Variants in GRIN2A observed in about 807,000 individuals in gnomAD.
GRIN2A encodes the protein glutamate receptor ionotropic, NMDA 2A.
A neutral mutation model predicts 113.4 loss-of-function variants in GRIN2A; 22 were observed. That is an observed-to-expected ratio of 0.19 (90% CI 0.14 to 0.28). The LOEUF (loss-of-function observed/expected upper bound fraction) is 0.28. GRIN2A is among the 10% of genes least tolerant of loss of function. The pLI is 1.00. For synonymous variants in GRIN2A, 827 were observed against 738.4 expected, an observed-to-expected ratio of 1.12 and a Z score of -1.94; for missense variants, 1,502 against 1,887.0, an observed-to-expected ratio of 0.80 and a Z score of 3.78.
At chr16:10,064,097 T>G (rs1222785457) in intron 2 of GRIN2A, among the ~76,000 whole-genome samples, 1 of 152,192 alleles carries the variant, frequency 6.6e-6, no homozygotes, top group African/African-American at 2.4e-5. Context: ...ACAGAGAGCT[T>G]TTCTTACCCA....
At chr16:9,957,292 T>G (rs1377043990) in intron 2 of GRIN2A, among the ~76,000 whole-genome samples, 1 of 152,162 alleles carries the variant, frequency 6.6e-6, no homozygotes, top group Non-Finnish European at 1.5e-5. Flanking sequence ...GAGCTGCCCA[T>G]GTTCAGGACA....
chr16:10,052,566 G>A (rs1293723703), intron 2 of GRIN2A, among the ~76,000 whole-genome samples: 1 of 152,146 alleles, frequency 6.6e-6, no homozygotes, highest in Non-Finnish European at 1.5e-5. Flanking sequence ...AAGATATTCC[G>A]CCTTCAGGTT....
chr16:9,846,831 C>T (rs781182255), intron 5 of GRIN2A, among the ~76,000 whole-genome samples: 30 of 152,162 alleles, frequency 2.0e-4, no homozygotes, highest in Non-Finnish European at 3.5e-4. Flanking sequence ...AATAAAGTTT[C>T]CAACAGCAGG....
intron 10 of GRIN2A, 61 bp downstream of exon 10, chr16:9,822,203 T>G (rs968636215): frequency 2.6e-5 from 41 of 1,547,240 alleles, no homozygotes; most frequent in Non-Finnish European, 2.9e-5. Context: ...ATGCCGAGAG[T>G]CAATTTCTGT....
At chr16:9,863,591 A>G (rs868865944) in intron 4 of GRIN2A, among the ~76,000 whole-genome samples, 8 of 152,330 alleles carry the variant, frequency 5.3e-5, no homozygotes, top group Middle Eastern at 6.8e-3. Flanking sequence ...GATCAGGCAG[A>G]GAAAATCAAC....
At chr16:10,061,872 C>T (rs1776528816) in intron 2 of GRIN2A, among the ~76,000 whole-genome samples, 1 of 152,150 alleles carries the variant, frequency 6.6e-6, no homozygotes, top group Admixed American at 6.6e-5. Flanking sequence ...AACATAAAGG[C>T]CAATCGAACT....
chr16:10,048,784 A>G lies in GRIN2A; in HGVS notation c.415-110233T>C, dbSNP rs569366927. ...GTGCCACAGGGGCTCAAAATGTCTCAACCCATAAAAGACTTCTCTCCCCAT... is the reference window on the plus strand; with the variant it reads ...GTGCCACAGGGGCTCAAAATGTCTCGACCCATAAAAGACTTCTCTCCCCAT... On this transcript the variant is annotated intron_variant, in intron 2 of 12. Transcript: ENST00000330684. Among the ~76,000 whole-genome samples, 15 of 152,202 alleles carry G rather than the reference A, an allele frequency of 9.9e-5. No homozygotes were observed. In the South Asian group the frequency reaches 2.7e-3, roughly 27 times the overall value.
At chr16:10,016,136 A>G (rs2046606135) in intron 2 of GRIN2A, among the ~76,000 whole-genome samples, 1 of 151,450 alleles carries the variant, frequency 6.6e-6, no homozygotes, top group Non-Finnish European at 1.5e-5. Flanking sequence ...AAAAAAAAAA[A>G]AAAAAGTGGT....
intron 2 of GRIN2A, among the ~76,000 whole-genome samples, chr16:10,029,454 G>A (rs770995013): frequency 1.3e-5 from 2 of 151,966 alleles, no homozygotes; most frequent in Non-Finnish European, 2.9e-5. Flanking sequence ...TCGGCCTCCC[G>A]AAGTGCTGGG....
intron 2 of GRIN2A, among the ~76,000 whole-genome samples, chr16:10,120,995 C>G (rs1212340492): frequency 6.6e-6 from 1 of 152,156 alleles, no homozygotes; most frequent in African/African-American, 2.4e-5. Context: ...TATTCTATTT[C>G]TAATTCAAAA....
chr16:9,838,167 A>G (rs1376646885), intron 7 of GRIN2A, among the ~76,000 whole-genome samples: 2 of 152,188 alleles, frequency 1.3e-5, no homozygotes, highest in African/African-American at 4.8e-5. Flanking sequence ...TTTAAGAGAT[A>G]AAGTTATTTT....
intron 3 of GRIN2A, among the ~76,000 whole-genome samples, chr16:9,928,884 A>G (rs1567181124): frequency 1.3e-5 from 2 of 152,234 alleles, no homozygotes; most frequent in African/African-American, 2.4e-5. Flanking sequence ...CTCTGCAAGG[A>G]TGCACCCAAC....
chr16:9,863,196 G>T (rs1238959772), intron 4 of GRIN2A, among the ~76,000 whole-genome samples: 1 of 152,124 alleles, frequency 6.6e-6, no homozygotes, highest in African/African-American at 2.4e-5. Context: ...GAGCAGTTTG[G>T]TTTCTTAAGG....
intron 2 of GRIN2A, among the ~76,000 whole-genome samples, chr16:9,992,765 T>C (rs1299381354): frequency 6.6e-6 from 1 of 152,072 alleles, no homozygotes; most frequent in Non-Finnish European, 1.5e-5. Flanking sequence ...AGTGGACAAA[T>C]CTGACACAGA....
intron 2 of GRIN2A, among the ~76,000 whole-genome samples, chr16:9,964,408 C>T (rs1354780165): frequency 6.6e-6 from 1 of 152,116 alleles, no homozygotes; most frequent in African/African-American, 2.4e-5. Flanking sequence ...ATGGGATCAG[C>T]CATGGTGCGT....
chr16:9,798,938 AT>A (rs1229670509), intron 10 of GRIN2A, among the ~76,000 whole-genome samples: 2 of 152,260 alleles, frequency 1.3e-5, no homozygotes, highest in African/African-American at 4.8e-5. Flanking sequence ...TTATTGCAGA[AT>A]TTTTAAAAAT....
At chr16:9,780,895 A>G (rs1901899241) in intron 11 of GRIN2A, among the ~76,000 whole-genome samples, 2 of 152,112 alleles carry the variant, frequency 1.3e-5, no homozygotes, top group South Asian at 4.1e-4. Context: ...TTCTTTAAGG[A>G]TAAGGGGAAA....
intron 11 of GRIN2A, among the ~76,000 whole-genome samples, chr16:9,776,331 C>G (rs1039160701): frequency 2.1e-5 from 3 of 144,456 alleles, no homozygotes; most frequent in Non-Finnish European, 3.0e-5. Context: ...GTAATTGTCA[C>G]TGGGAGGTGA....
intron 2 of GRIN2A, among the ~76,000 whole-genome samples, chr16:9,968,429 T>C (rs2045604339): frequency 6.6e-6 from 1 of 152,198 alleles, no homozygotes; most frequent in Admixed American, 6.5e-5. Context: ...TTCTCCTGCC[T>C]CAGCCTCCCA....
Sources: gnomAD v4.1 joint callset for allele counts (sites outside exome capture counted in the v4.1 genomes callset) on GRCh38, gnomAD v4.1.1 for gene constraint, MANE v1.5 for transcripts, NCBI Gene and HGNC (gene_info 2026-07-23, HGNC 2026-07-21) for gene names.